The following TSGA10 variants were observed in gnomAD, a reference collection of about 807,000 sequenced individuals.
The protein encoded by TSGA10 is testis-specific gene 10 protein.
TSGA10 carries 43 observed loss-of-function variants against 96.6 expected under a neutral mutation model. The ratio of observed to expected loss-of-function variants is 0.44; its 90% CI spans 0.35 to 0.57. TSGA10 has a LOEUF of 0.57. TSGA10 is among the 20% of genes least tolerant of loss of function. TSGA10 has a pLI of 0.01. For synonymous variants in TSGA10, 229 were observed against 269.9 expected, an observed-to-expected ratio of 0.85 and a Z score of 1.48; for missense variants, 703 against 834.4, an observed-to-expected ratio of 0.84 and a Z score of 1.94.
rs192505064 is a variant in TSGA10 at position 99,005,035 on chromosome 2, C to T, written c.2073-6814G>A. The stretch of plus-strand genomic sequence containing the variant: ...TCCAGCATATAAACAGAACCAAAGA[C>T]AAAAACCACATGATTATCTCAATAG... On this transcript the variant is annotated intron_variant, in intron 20 of 20. Coordinates refer to ENST00000393483, the MANE Select transcript of TSGA10 (RefSeq NM_025244.4). 4.6e-5 allele frequency among the ~76,000 whole-genome samples: 7 copies of T among 152,252 alleles called. No homozygotes were observed. The East Asian group carries it at 1.2e-3, about 25-fold the overall frequency.
chr2:99,141,109 TCCTCGGCCCGCCGTCCTGC>T (rs2093527988), intron 1 of TSGA10: 1 of 1,284,062 alleles, frequency 7.8e-7, no homozygotes, highest in African/African-American at 1.5e-5. Flanking sequence ...CTCCCCGGGC[TCCTCGGCCCGCCGTCCTGC>T]CCAGAGCTCA....
At chr2:99,071,322 A>G (rs1183181460) in intron 14 of TSGA10, among the ~76,000 whole-genome samples, 1 of 152,162 alleles carries the variant, frequency 6.6e-6, no homozygotes, top group African/African-American at 2.4e-5. Context: ...ATGAGAACCA[A>G]AAAACAAGGC....
At chr2:99,001,010 T>G (rs2077853070) in intron 20 of TSGA10, among the ~76,000 whole-genome samples, 1 of 152,154 alleles carries the variant, frequency 6.6e-6, no homozygotes. Flanking sequence ...CTCAATGAGG[T>G]CTGCCTATCT....
At chr2:99,106,048 A>G (rs1419869055) in intron 7 of TSGA10, among the ~76,000 whole-genome samples, 3 of 152,188 alleles carry the variant, frequency 2.0e-5, no homozygotes, top group Non-Finnish European at 4.4e-5. Context: ...GGTTTAATGA[A>G]TATTATCATA....
intron 20 of TSGA10, among the ~76,000 whole-genome samples, chr2:99,015,037 C>T (rs1026425995): frequency 2.0e-5 from 3 of 152,108 alleles, no homozygotes; most frequent in African/African-American, 7.2e-5. Context: ...CAGATGGATT[C>T]ACAGCTGAAT....
intron 17 of TSGA10, among the ~76,000 whole-genome samples, chr2:99,034,594 T>C (rs572791349): frequency 1.3e-5 from 2 of 152,280 alleles, no homozygotes; most frequent in South Asian, 2.1e-4. Context: ...ATTCACTCCA[T>C]ACCCTTGTCT....
Position 99,137,001 on chromosome 2 carries a change from CT to C in TSGA10, c.-620-9826del, listed in dbSNP as rs11430590. On this transcript the variant is annotated intron_variant, in intron 1 of 20. Transcript: ENST00000393483. ...CTTTAACGTGTCTAAAACAGACTTC[CT>C]TTTTTTTTTTTTTTTTGAGACAGTC... Among the ~76,000 whole-genome samples, 129 of 129,242 alleles carry C rather than the reference CT, an allele frequency of 1.0e-3. 1 individual carries two copies. The East Asian group carries it at 0.013, about 13-fold the overall frequency. 84.8% of individuals were successfully genotyped at this position (129,242 alleles called of 152,430 possible). A position where few individuals can be genotyped will look rare whatever the true frequency, so the allele number is the denominator to read the frequency against.
chr2:99,146,011 C>T (rs747342466), intron 1 of TSGA10, among the ~76,000 whole-genome samples: 3 of 152,020 alleles, frequency 2.0e-5, no homozygotes, highest in Non-Finnish European at 2.9e-5. Context: ...TGGCCAGGTA[C>T]GGTGGCTCAT....
intron 17 of TSGA10, among the ~76,000 whole-genome samples, chr2:99,032,933 T>C (rs566235460): frequency 3.0e-4 from 45 of 152,248 alleles, no homozygotes; most frequent in Non-Finnish European, 5.0e-4. Context: ...CTGTGTGATA[T>C]ATTTTTCAGG....
chr2:99,052,189 C>T (rs986651190), intron 16 of TSGA10, among the ~76,000 whole-genome samples: 9 of 151,370 alleles, frequency 5.9e-5, no homozygotes, highest in African/African-American at 2.2e-4. Flanking sequence ...ATCAATGAAA[C>T]TAAGAGTTGA....
intron 1 of TSGA10, chr2:99,150,991 T>A (rs1384052203): frequency 2.4e-5 from 12 of 509,260 alleles, no homozygotes; most frequent in Non-Finnish European, 3.9e-5. Flanking sequence ...TGCATTTTTT[T>A]ATGATGCTTA....
At chr2:99,129,427 G>A (rs1485238520) in intron 1 of TSGA10, among the ~76,000 whole-genome samples, 1 of 152,106 alleles carries the variant, frequency 6.6e-6, no homozygotes, top group Non-Finnish European at 1.5e-5. Flanking sequence ...CCTCCTCTTT[G>A]GTAAACCGAA....
intron 17 of TSGA10, among the ~76,000 whole-genome samples, chr2:99,030,526 A>G (rs551503154): frequency 6.6e-6 from 1 of 151,976 alleles, no homozygotes; most frequent in Non-Finnish European, 1.5e-5. Flanking sequence ...ACATGTCTGT[A>G]GTGCCACCTA....
At position 99,103,598 on chromosome 2, in the gene TSGA10, G is replaced by A. The variant is rs762230189; in HGVS notation, c.611+369C>T. 1.8e-4 allele frequency among the ~76,000 whole-genome samples: 28 copies of A among 152,140 alleles called. 2 individuals are homozygous for A. The highest frequency in any genetic ancestry group is 3.8e-4 in the Non-Finnish European group (26 of 68,030). ...CTTTTTCTAAGCAACTGCCAAACCTGTGCTTTGTGTTTTCTTATACTGTTC... is the reference window on the plus strand; with the variant it reads ...CTTTTTCTAAGCAACTGCCAAACCTATGCTTTGTGTTTTCTTATACTGTTC... On this transcript the variant is annotated intron_variant, in intron 10 of 20. Coordinates refer to ENST00000393483, the MANE Select transcript of TSGA10 (RefSeq NM_025244.4).
Position 99,078,046 on chromosome 2 carries a change from C to A in TSGA10, c.882+613G>T, listed in dbSNP as rs186397673. Among the ~76,000 whole-genome samples the A allele has an allele frequency of 9.6e-3, 1,442 of 150,812 alleles. 14 individuals carry two copies. The highest frequency in any genetic ancestry group is 0.033 in the African/African-American group (1,367 of 41,174). On this transcript the variant is annotated intron_variant, in intron 12 of 20. Coordinates refer to ENST00000393483, the MANE Select transcript of TSGA10 (RefSeq NM_025244.4). ...CAGCACTTTGGGAGGCTGAGGTGGG[C>A]GGATCACGAGGTCAGGAGATTGAGA... is the stretch of plus-strand genomic sequence containing the variant.
chr2:99,147,496 A>G, intron 1 of TSGA10: 1 of 1,613,942 alleles, frequency 6.2e-7, no homozygotes, highest in Non-Finnish European at 8.5e-7. Context: ...AAGTTAAGGT[A>G]AGACTCACAG....
intron 20 of TSGA10, among the ~76,000 whole-genome samples, chr2:98,998,683 G>T (rs2077639712): frequency 6.6e-6 from 1 of 152,074 alleles, no homozygotes; most frequent in African/African-American, 2.4e-5. Flanking sequence ...TGTGTGGATT[G>T]TAAAAAATAT....
At chr2:99,052,052 A>C (rs962329137) in intron 16 of TSGA10, among the ~76,000 whole-genome samples, 3 of 151,888 alleles carry the variant, frequency 2.0e-5, no homozygotes, top group African/African-American at 7.2e-5. Flanking sequence ...TCAACAACCT[A>C]ACTTCTTAAG....
In TSGA10 at chr2:99,136,536, G is replaced by A. The variant is rs545741091; in HGVS notation, c.-620-9360C>T. Among the ~76,000 whole-genome samples, 2 of 27,154 alleles carry A rather than the reference G, an allele frequency of 7.4e-5. 1 individual carries two copies. Among genetic ancestry groups the A allele is most frequent in the Non-Finnish European group, 2.4e-4 (2 of 8,272 alleles). The allele number at this position is 27,154 out of a possible 152,430, so 17.8% of individuals were successfully genotyped here. A position where few individuals can be genotyped will look rare whatever the true frequency, so the allele number is the denominator to read the frequency against. ...ATTTCTGCCGGGCGCGGTGGCTCAC[G>A]CCTGTAATCCCAGCACTTTGGGAGG... On this transcript the variant is annotated intron_variant, in intron 1 of 20. Transcript: ENST00000393483.
Sources: gnomAD v4.1 joint callset for allele counts (sites outside exome capture counted in the v4.1 genomes callset) on GRCh38, gnomAD v4.1.1 for gene constraint, MANE v1.5 for transcripts, NCBI Gene and HGNC (gene_info 2026-07-23, HGNC 2026-07-21) for gene names.